The following UNC13B variants were observed in gnomAD, a reference collection of about 807,000 sequenced individuals.
The protein encoded by UNC13B is unc-13 homolog B.
In UNC13B, 144 loss-of-function variants were observed where a neutral mutation model predicts 211.0. That is an observed-to-expected ratio of 0.68 (90% CI 0.60 to 0.78). The LOEUF (loss-of-function observed/expected upper bound fraction) is 0.78. Among genes scored for constraint, UNC13B ranks in the 30% least tolerant of loss-of-function variants. The probability of loss-of-function intolerance (pLI) is 0.00; values close to 1 mark genes in which losing one functional copy is unlikely to be tolerated. For synonymous variants in UNC13B, 709 were observed against 725.8 expected (o/e 0.98, Z 0.37); for missense variants, 1,777 against 2,002.0 (o/e 0.89, Z 2.14).
intron 1 of UNC13B, among the ~76,000 whole-genome samples, chr9:35,190,097 A>G (rs1218830854): frequency 6.6e-6 from 1 of 152,200 alleles, no homozygotes; most frequent in Non-Finnish European, 1.5e-5. Flanking sequence ...CGCAAAATTA[A>G]CGGCGCCATT....
At chr9:35,379,384 C>T (rs148935349) in intron 17 of UNC13B, among the ~76,000 whole-genome samples, 7 of 151,824 alleles carry the variant, frequency 4.6e-5, no homozygotes, top group Non-Finnish European at 8.8e-5. Flanking sequence ...GGGAGGCAGA[C>T]GTTGCAGTGC....
chr9:35,375,287 C>T, intron 14 of UNC13B, 86 bp downstream of exon 14: 5 of 1,451,488 alleles, frequency 3.4e-6, no homozygotes, highest in Non-Finnish European at 4.8e-6. Flanking sequence ...ATTGGGAATT[C>T]TGGGAATTCA....
At chr9:35,327,961 T>C (rs1047956781) in intron 11 of UNC13B, among the ~76,000 whole-genome samples, 2 of 152,228 alleles carry the variant, frequency 1.3e-5, no homozygotes, top group South Asian at 2.1e-4. Flanking sequence ...GCTAAGTAGA[T>C]GACAACAGTG....
Position 35,302,043 on chromosome 9 carries a change from A to G in UNC13B, c.2639A>G (p.Glu880Gly). 1 of 398,832 alleles carries G rather than the reference A, an allele frequency of 2.5e-6. No homozygotes were observed. The highest frequency in any genetic ancestry group is 4.4e-6 in the Non-Finnish European group (1 of 225,872). The allele number at this position is 398,832 out of a possible 1,614,324, so 24.7% of individuals were successfully genotyped here. A position where few individuals can be genotyped will look rare whatever the true frequency, so the allele number is the denominator to read the frequency against. ...TCTGAAAAGCAACAGGAGTTAAAAGAGAAAGGAAGCATTTTTCCTTTGTTT... is the reference window on the plus strand; with the variant it reads ...TCTGAAAAGCAACAGGAGTTAAAAGGGAAAGGAAGCATTTTTCCTTTGTTT... ...GHSEKQQELK[E>G]KGSIFPLFKF... is the part of the protein sequence containing the mutation. Residue 880 changes from glutamate (E) to glycine (G), a missense_variant, in exon 9 of 40, where the codon GAG (glutamate) becomes GGG (glycine). Transcript: ENST00000635942.
chr9:35,280,659 G>A (rs2131724086), intron 7 of UNC13B, among the ~76,000 whole-genome samples: 1 of 152,240 alleles, frequency 6.6e-6, no homozygotes, highest in South Asian at 2.1e-4. Flanking sequence ...AATTATAGGT[G>A]CTGGCAAACT....
intron 1 of UNC13B, among the ~76,000 whole-genome samples, chr9:35,222,486 G>A (rs913829913): frequency 2.0e-5 from 3 of 152,140 alleles, no homozygotes; most frequent in African/African-American, 7.2e-5. Context: ...ATGTGCGCAT[G>A]GGAGTCAAGC....
At chr9:35,213,812 G>A (rs1007944775) in intron 1 of UNC13B, among the ~76,000 whole-genome samples, 1 of 152,044 alleles carries the variant, frequency 6.6e-6, no homozygotes, top group African/African-American at 2.4e-5. Context: ...ATTCAAATTT[G>A]TTTAATTTAC....
intron 1 of UNC13B, among the ~76,000 whole-genome samples, chr9:35,201,160 C>G (rs1823261040): frequency 6.6e-6 from 1 of 152,122 alleles, no homozygotes; most frequent in Non-Finnish European, 1.5e-5. Context: ...GTATGTTGAA[C>G]CAGTCTTGCA....
intron 7 of UNC13B, among the ~76,000 whole-genome samples, chr9:35,266,624 A>G (rs1484495796): frequency 6.6e-6 from 1 of 152,236 alleles, no homozygotes; most frequent in Non-Finnish European, 1.5e-5. Context: ...AGGTGATGGG[A>G]TTCTTTAAAA....
intron 6 of UNC13B, among the ~76,000 whole-genome samples, chr9:35,254,013 A>C (rs370230650): frequency 6.6e-6 from 1 of 152,122 alleles, no homozygotes; most frequent in Non-Finnish European, 1.5e-5. Context: ...TTTAATTTGT[A>C]TTTTCCTGTT....
intron 11 of UNC13B, among the ~76,000 whole-genome samples, chr9:35,326,747 A>T (rs1228336266): frequency 6.6e-6 from 1 of 152,248 alleles, no homozygotes; most frequent in Non-Finnish European, 1.5e-5. Context: ...AAATAAAACA[A>T]TTATAACCAT....
chr9:35,402,210 C>T (rs1836352031), intron 37 of UNC13B, among the ~76,000 whole-genome samples: 1 of 152,012 alleles, frequency 6.6e-6, no homozygotes. Flanking sequence ...TCAGCATTCT[C>T]CCACCCCTCC....
intron 6 of UNC13B, among the ~76,000 whole-genome samples, chr9:35,257,341 AT>A (rs1826954213): frequency 7.8e-6 from 1 of 127,722 alleles, no homozygotes; most frequent in African/African-American, 2.8e-5. Context: ...TTATATAAAT[AT>A]TTATAAAAAT....
rs375773142 is a variant in UNC13B at position 35,382,416 on chromosome 9, C to A, written c.10715C>A (p.Thr3572Asn). The A allele has an allele frequency of 3.1e-6, 5 of 1,614,124 alleles. No individual in the cohort carries two copies. The highest frequency in any genetic ancestry group is 4.2e-6 in the Non-Finnish European group (5 of 1,180,038). The change falls in exon 21 of 40, where the codon ACC becomes AAC. Residue 3572 changes from threonine (T) to asparagine (N), a missense_variant. By Grantham distance (65) the Thr-to-Asn change is moderately conservative. Transcript: ENST00000635942. ...CCTGGTGTGCCAGCAGTGATGAGCA[C>A]CTTACTGGCCAACATCAACGCCTAC... Reference protein sequence around the residue: ...MCPGVPAVMSTLLANINAYYA... With the variant: ...MCPGVPAVMSNLLANINAYYA...
intron 1 of UNC13B, among the ~76,000 whole-genome samples, chr9:35,215,179 G>A (rs1824188298): frequency 3.9e-5 from 6 of 152,184 alleles, no homozygotes; most frequent in Non-Finnish European, 8.8e-5. Flanking sequence ...GCTGGGGTGG[G>A]AGGATCACTT....
intron 7 of UNC13B, among the ~76,000 whole-genome samples, chr9:35,270,426 A>G (rs1189325900): frequency 6.6e-6 from 1 of 152,132 alleles, no homozygotes; most frequent in Non-Finnish European, 1.5e-5. Context: ...GTATATACAC[A>G]CACATATACA....
chr9:35,270,869 G>A (rs1254555909), intron 7 of UNC13B, among the ~76,000 whole-genome samples: 1 of 152,050 alleles, frequency 6.6e-6, no homozygotes, highest in African/African-American at 2.4e-5. Context: ...GGCCAGGCAC[G>A]GTGGCTCATG....
At chr9:35,234,254 T>C (rs928881986) in intron 3 of UNC13B, among the ~76,000 whole-genome samples, 1 of 152,148 alleles carries the variant, frequency 6.6e-6, no homozygotes, top group Non-Finnish European at 1.5e-5. Flanking sequence ...TAACTGGGAC[T>C]ACAGATGCAT....
chr9:35,188,708 C>T (rs965898625), intron 1 of UNC13B, among the ~76,000 whole-genome samples: 4 of 152,146 alleles, frequency 2.6e-5, no homozygotes, highest in Non-Finnish European at 5.9e-5. Context: ...AATTTCAGAT[C>T]GCCATAAATT....
Sources: gnomAD v4.1 joint callset for allele counts (sites outside exome capture counted in the v4.1 genomes callset) on GRCh38, gnomAD v4.1.1 for gene constraint, MANE v1.5 for transcripts, NCBI Gene and HGNC (gene_info 2026-07-23, HGNC 2026-07-21) for gene names.